CDH8: variants seen among roughly 807,000 people sequenced by gnomAD.
The protein encoded by CDH8 is cadherin 8.
Under a neutral mutation model 68.1 loss-of-function variants are expected in CDH8, and 17 were observed. That is an observed-to-expected ratio of 0.25 (90% CI 0.17 to 0.37). The LOEUF is 0.37. Among genes scored for constraint, CDH8 ranks in the 10% least tolerant of loss-of-function variants. The pLI is 1.00. For missense variants in CDH8, 763 were observed against 999.3 expected (o/e 0.76, Z 3.19); for synonymous variants, 372 against 365.1 (o/e 1.02, Z -0.21).
chr16:61,684,042 G>T (rs1374401994), intron 10 of CDH8, among the ~76,000 whole-genome samples: 2 of 152,006 alleles, frequency 1.3e-5, no homozygotes, highest in African/African-American at 4.8e-5. Context: ...GCTCGCCATT[G>T]CACCCTTCGT....
chr16:61,727,394 A>C (rs938105161), intron 8 of CDH8, among the ~76,000 whole-genome samples, 179 bp from the exon 9 acceptor site: 2 of 151,148 alleles, frequency 1.3e-5, no homozygotes, highest in African/African-American at 4.8e-5. Context: ...TGCTTTAAAA[A>C]AAAGCATAAA....
chr16:61,967,861 T>G (rs1209641156), intron 2 of CDH8, among the ~76,000 whole-genome samples: 1 of 152,270 alleles, frequency 6.6e-6, no homozygotes, highest in East Asian at 1.9e-4. Context: ...CAGGCTGGAG[T>G]GCAATGGCAT....
chr16:61,882,515 A>C (rs141930585), intron 3 of CDH8, among the ~76,000 whole-genome samples: 1,562 of 152,290 alleles, frequency 0.01, 22 homozygotes, highest in African/African-American at 0.034. Flanking sequence ...CAGTTCCAAA[A>C]ATTTTGAGAA....
chr16:61,989,862 A>G (rs180773545), intron 2 of CDH8, among the ~76,000 whole-genome samples: 38 of 152,334 alleles, frequency 2.5e-4, no homozygotes, highest in African/African-American at 8.7e-4. Context: ...AAGATATTAT[A>G]TAACTTGTCC....
In CDH8 at chr16:61,923,506, C is replaced by T. The variant is rs563936016; in HGVS notation, c.253-22033G>A. Among the ~76,000 whole-genome samples, 14 of 151,866 alleles carry T rather than the reference C, an allele frequency of 9.2e-5. No individual in the cohort carries two copies. In the South Asian group the frequency reaches 1.5e-3, roughly 16 times the overall value. ...TGGGTCTGAAAGCTTCAGTGTATGACCACAGGAAAGTCAAATTTATTTTGC... is the reference window on the plus strand; with the variant it reads ...TGGGTCTGAAAGCTTCAGTGTATGATCACAGGAAAGTCAAATTTATTTTGC... On this transcript the variant is annotated intron_variant, in intron 2 of 11. Coordinates refer to ENST00000577390, the MANE Select transcript of CDH8 (RefSeq NM_001796.5).
At chr16:61,698,786 G>T (rs1175918641) in intron 10 of CDH8, among the ~76,000 whole-genome samples, 1 of 152,118 alleles carries the variant, frequency 6.6e-6, no homozygotes, top group African/African-American at 2.4e-5. Context: ...TGACTTCTCC[G>T]ATATCTTTCT....
At chr16:61,962,782 A>C (rs1319332875) in intron 2 of CDH8, among the ~76,000 whole-genome samples, 2 of 152,202 alleles carry the variant, frequency 1.3e-5, no homozygotes, top group Non-Finnish European at 2.9e-5. Context: ...CTGAAGCAAA[A>C]ATTTATAACT....
At chr16:61,879,494 T>C (rs116198983) in intron 3 of CDH8, among the ~76,000 whole-genome samples, 72 of 152,322 alleles carry the variant, frequency 4.7e-4, no homozygotes, top group African/African-American at 1.6e-3. Context: ...AAAATAGTCA[T>C]GTAAGACCCT....
At chr16:61,947,121 A>C (rs976353612) in intron 2 of CDH8, among the ~76,000 whole-genome samples, 3 of 152,344 alleles carry the variant, frequency 2.0e-5, no homozygotes, top group Admixed American at 6.5e-5. Context: ...ACAGTGTCAC[A>C]AACAGTACCA....
chr16:61,653,240 C>A lies in CDH8; in HGVS notation c.*368G>T. 8.4e-7 allele frequency: 1 copy of A among 1,184,234 alleles called. No homozygotes were observed. The highest frequency in any genetic ancestry group is 1.0e-6 in the Non-Finnish European group (1 of 960,122). 73.4% of individuals were successfully genotyped at this position (1,184,234 alleles called of 1,614,324 possible). A position where few individuals can be genotyped will look rare whatever the true frequency, so the allele number is the denominator to read the frequency against. On this transcript the variant is annotated 3_prime_UTR_variant, in exon 12 of 12. Coordinates refer to ENST00000577390, the MANE Select transcript of CDH8 (RefSeq NM_001796.5). ...ACACATATCAGCAGCAGATTCCTTG[C>A]AGGTCCGTATTTTTTTTTCTAAGAA... is the stretch of plus-strand genomic sequence containing the variant.
intron 2 of CDH8, among the ~76,000 whole-genome samples, chr16:61,981,679 T>C (rs572632212): frequency 0.016 from 2,443 of 148,074 alleles, 67 homozygotes; most frequent in African/African-American, 0.06. Context: ...TGTGTGTGTG[T>C]GTGCGCGCGC....
intron 2 of CDH8, among the ~76,000 whole-genome samples, chr16:61,975,169 C>T (rs771040811): frequency 6.6e-6 from 1 of 152,028 alleles, no homozygotes; most frequent in Admixed American, 6.6e-5. Flanking sequence ...TCTTCCTTTA[C>T]ATCATCAAGG....
intron 2 of CDH8, chr16:61,937,915 C>G (rs1307715444): frequency 6.6e-6 from 1 of 152,052 alleles, no homozygotes; most frequent in East Asian, 1.9e-4. Flanking sequence ...TATTTTTAGA[C>G]TGGAGAAGTG....
intron 2 of CDH8, among the ~76,000 whole-genome samples, chr16:61,937,051 C>A (rs1412043059): frequency 6.6e-6 from 1 of 151,988 alleles, no homozygotes; most frequent in Non-Finnish European, 1.5e-5. Flanking sequence ...TTAAAGCCTC[C>A]TGGGTGATTT....
intron 10 of CDH8, among the ~76,000 whole-genome samples, chr16:61,708,368 A>T (rs557258432): frequency 6.6e-6 from 1 of 152,186 alleles, no homozygotes; most frequent in African/African-American, 2.4e-5. Context: ...TTTCCATAAC[A>T]TACACTAAAA....
At chr16:61,692,080 C>T (rs978874963) in intron 10 of CDH8, 1 of 152,106 alleles carries the variant, frequency 6.6e-6, no homozygotes, top group Admixed American at 6.6e-5. Context: ...TTATTACCAA[C>T]CATAATGCTA....
chr16:61,998,133 T>A (rs750061046), intron 2 of CDH8, among the ~76,000 whole-genome samples: 11 of 152,158 alleles, frequency 7.2e-5, no homozygotes, highest in Non-Finnish European at 1.0e-4. Flanking sequence ...CCCAACTTGC[T>A]GGAAAAAGGT....
chr16:61,885,160 A>T (rs1374181590), intron 3 of CDH8, among the ~76,000 whole-genome samples: 1 of 152,218 alleles, frequency 6.6e-6, no homozygotes, highest in Non-Finnish European at 1.5e-5. Context: ...AGCAGACAAA[A>T]CATATCTATG....
At chr16:61,907,597 G>A (rs1443086246) in intron 2 of CDH8, among the ~76,000 whole-genome samples, 7 of 151,732 alleles carry the variant, frequency 4.6e-5, no homozygotes, top group East Asian at 3.9e-4. Context: ...GGAAGATCAC[G>A]TGAGCCTGGG....
Sources: allele counts gnomAD v4.1 joint callset (sites outside exome capture counted in the v4.1 genomes callset), GRCh38; gene constraint gnomAD v4.1.1; transcripts MANE v1.5; gene names NCBI Gene and HGNC (gene_info 2026-07-23, HGNC 2026-07-21).